The following HTR2C variants were observed in gnomAD, a reference collection of about 807,000 sequenced individuals.
HTR2C encodes the protein 5-hydroxytryptamine (serotonin) receptor 2C, G protein-coupled.
A neutral mutation model predicts 21.0 loss-of-function variants in HTR2C; 5 were observed. The ratio of observed to expected loss-of-function variants is 0.24; its 90% CI spans 0.12 to 0.50. The LOEUF is 0.50. HTR2C is among the 20% of genes least tolerant of loss of function. The pLI, the probability that HTR2C is intolerant of heterozygous loss-of-function variation, is 0.98. For missense variants in HTR2C, 271 were observed against 371.2 expected (o/e 0.73, Z 2.22); for synonymous variants, 150 against 145.3 (o/e 1.03, Z -0.23).
chrX:114,837,669 AAG>A (rs1271521931), intron 4 of HTR2C, among the ~76,000 whole-genome samples: 2 of 102,091 alleles, frequency 2.0e-5, no homozygotes, highest in African/African-American at 7.0e-5. Context: ...TAGTTTTTAG[AAG>A]AGTCTCAGAT....
chrX:114,589,748 C>G (rs1927556453), intron 1 of HTR2C: 8 of 270,203 alleles, frequency 3.0e-5, no homozygotes, highest in Non-Finnish European at 5.5e-5. Context: ...TGACAGGCAG[C>G]GCAGTGAATA....
intron 4 of HTR2C, chrX:114,775,850 T>C: frequency 2.6e-6 from 1 of 389,085 alleles, no homozygotes; most frequent in East Asian, 4.5e-5. Flanking sequence ...AAGGGTGCCA[T>C]GGAACAGGTC....
rs1569496257 is a variant in HTR2C at position 114,807,359 on chromosome X, C to CGCCATATCTAT, written c.350-40644_350-40643insGCCATATCTAT. 2.2e-4 allele frequency among the ~76,000 whole-genome samples: 11 copies of CGCCATATCTAT among 50,043 alleles called. 4 individuals carry two copies. The highest frequency in any genetic ancestry group is 6.2e-4 in the African/African-American group (11 of 17,843). The allele number at this position is 50,043 out of a possible 115,157, so 43.5% of individuals were successfully genotyped here. ...ACCATGTATCTATACCATATATATA[C>CGCCATATCTAT]ACCATATATCTATACCATATATATA... is the stretch of plus-strand genomic sequence containing the variant. On this transcript the variant is annotated intron_variant, in intron 4 of 5. Coordinates refer to ENST00000276198, the MANE Select transcript of HTR2C (RefSeq NM_000868.4).
chrX:114,810,686 A>G (rs917839223), intron 4 of HTR2C, among the ~76,000 whole-genome samples: 1 of 108,347 alleles, frequency 9.2e-6, no homozygotes, highest in Non-Finnish European at 1.9e-5. Context: ...TACCCTCTCC[A>G]GTGCCTCTTT....
rs958912321 is a variant in HTR2C at position 114,864,316 on chromosome X, T to C, written c.550+16113T>C. ...TGGTATATCTGCCATAGATTTTTGT[T>C]TTGTGGCTACCGTGAGGCTTATATA... On this transcript the variant is annotated intron_variant, in intron 5 of 5. Coordinates refer to ENST00000276198, the MANE Select transcript of HTR2C (RefSeq NM_000868.4). 3.6e-5 allele frequency among the ~76,000 whole-genome samples: 4 copies of C among 111,464 alleles called. No individual in the cohort carries two copies. In the East Asian group the frequency reaches 1.1e-3, roughly 31 times the overall value.
intron 4 of HTR2C, among the ~76,000 whole-genome samples, chrX:114,838,557 A>G (rs902598875): frequency 8.9e-6 from 1 of 111,970 alleles, no homozygotes; most frequent in African/African-American, 3.2e-5. Flanking sequence ...TTTTTTTATT[A>G]TTGGTGGGGA....
At chrX:114,852,275 T>G (rs918445768) in intron 5 of HTR2C, among the ~76,000 whole-genome samples, 1 of 110,718 alleles carries the variant, frequency 9.0e-6, no homozygotes, top group Non-Finnish European at 1.9e-5. Context: ...TTGACTTTAT[T>G]TTTTAATATG....
At chrX:114,735,061 T>A (rs1486136685) in intron 4 of HTR2C, among the ~76,000 whole-genome samples, 1 of 111,107 alleles carries the variant, frequency 9.0e-6, no homozygotes, top group Non-Finnish European at 1.9e-5. Context: ...TCTCAGCACT[T>A]TGGGAGGCCT....
intron 2 of HTR2C, among the ~76,000 whole-genome samples, chrX:114,619,372 C>T (rs1170513476): frequency 1.8e-5 from 2 of 111,602 alleles, no homozygotes; most frequent in African/African-American, 6.5e-5. Flanking sequence ...CAAATCCGTT[C>T]TCCCAATTCT....
chrX:114,874,514 ATT>A (rs1211094179), intron 5 of HTR2C, among the ~76,000 whole-genome samples: 1 of 104,195 alleles, frequency 9.6e-6, no homozygotes, highest in Admixed American at 1.0e-4. Flanking sequence ...ATGGTTTTGT[ATT>A]TTTTTTTTTT....
chrX:114,730,771 A>G (rs782472974), intron 3 of HTR2C, among the ~76,000 whole-genome samples: 8 of 111,589 alleles, frequency 7.2e-5, no homozygotes, highest in Non-Finnish European at 1.5e-4. Context: ...CTGTCTCAGA[A>G]CATATCTAAA....
intron 4 of HTR2C, among the ~76,000 whole-genome samples, chrX:114,761,417 T>A (rs782065896): frequency 9.0e-6 from 1 of 111,279 alleles, no homozygotes; most frequent in African/African-American, 3.3e-5. Context: ...TTGGAAGGAT[T>A]TGAGAACTGG....
At position 114,805,835 on chromosome X, in the gene HTR2C, C is replaced by CAT. The variant is rs781867615; in HGVS notation, c.350-42162_350-42161dup. On this transcript the variant is annotated intron_variant, in intron 4 of 5. Transcript: ENST00000276198. ...CACCATATATATACCATATATATACCATATATACCATATATATACCATATA... is the reference window on the plus strand; with the variant it reads ...CACCATATATATACCATATATATACCATATATATACCATATATATACCATATA... Among the ~76,000 whole-genome samples, 213 of 31,207 alleles carry CAT rather than the reference C, an allele frequency of 6.8e-3. 6 individuals are homozygous for CAT. The highest frequency in any genetic ancestry group is 0.029 in the African/African-American group (206 of 7,082). 27.1% of individuals were successfully genotyped at this position (31,207 alleles called of 115,157 possible).
chrX:114,836,631 G>T (rs2070788070), intron 4 of HTR2C, among the ~76,000 whole-genome samples: 2 of 112,091 alleles, frequency 1.8e-5, no homozygotes, highest in Admixed American at 1.9e-4. Flanking sequence ...GATGAACCCA[G>T]TACCTCAGAT....
At position 114,606,267 on chromosome X, in the gene HTR2C, T is replaced by G. The variant is rs1418333470; in HGVS notation, c.-146-7548T>G. On this transcript the variant is annotated intron_variant, in intron 1 of 5. Coordinates refer to ENST00000276198, the MANE Select transcript of HTR2C (RefSeq NM_000868.4). ...GAAGGGCTTGAGGGGTACTTGCCCC[T>G]CTCCCAGAAAAGCAGAGAAGGGGTA... 3.6e-5 allele frequency among the ~76,000 whole-genome samples: 4 copies of G among 110,212 alleles called. No homozygotes were observed. In the East Asian group the frequency reaches 1.2e-3, roughly 32 times the overall value.
chrX:114,603,291 A>G lies in HTR2C; in HGVS notation c.-146-10524A>G, dbSNP rs190535276. Among the ~76,000 whole-genome samples the G allele has an allele frequency of 9.4e-3, 1,052 of 111,652 alleles. 13 individuals are homozygous for G. The highest frequency in any genetic ancestry group is 0.033 in the African/African-American group (995 of 30,519). On this transcript the variant is annotated intron_variant, in intron 1 of 5. Coordinates refer to ENST00000276198, the MANE Select transcript of HTR2C (RefSeq NM_000868.4). The stretch of plus-strand genomic sequence containing the variant: ...GCGTCAGGTATGAGGAAGAAAATAG[A>G]TTTTGGAAGTTATGAGAACTGTAGA...
intron 4 of HTR2C, among the ~76,000 whole-genome samples, chrX:114,783,716 A>C (rs2147403984): frequency 8.9e-6 from 1 of 112,060 alleles, no homozygotes; most frequent in African/African-American, 3.2e-5. Context: ...AAAATTAATG[A>C]AATTTAATTC....
At chrX:114,693,944 A>G (rs2147862437) in intron 2 of HTR2C, among the ~76,000 whole-genome samples, 1 of 111,639 alleles carries the variant, frequency 9.0e-6, no homozygotes, top group African/African-American at 3.2e-5. Flanking sequence ...TTATGGCTGA[A>G]GTCTCTCTAC....
intron 4 of HTR2C, among the ~76,000 whole-genome samples, chrX:114,819,645 C>T (rs781956447): frequency 8.9e-6 from 1 of 112,539 alleles, no homozygotes; most frequent in Non-Finnish European, 1.9e-5. Context: ...GCACAATCTC[C>T]GTAAGCCAGC....
Sources: allele counts gnomAD v4.1 joint callset (sites outside exome capture counted in the v4.1 genomes callset), GRCh38; gene constraint gnomAD v4.1.1; transcripts MANE v1.5; gene names NCBI Gene and HGNC (gene_info 2026-07-23, HGNC 2026-07-21).